The following PTPDC1 variants were observed in gnomAD, a reference collection of about 807,000 sequenced individuals.
The protein encoded by PTPDC1 is protein tyrosine phosphatase domain containing 1, also known as protein tyrosine phosphatase domain-containing protein 1.
PTPDC1 carries 53 observed loss-of-function variants against 75.3 expected under a neutral mutation model. That is an observed-to-expected ratio of 0.70 (90% CI 0.56 to 0.88). The LOEUF (loss-of-function observed/expected upper bound fraction) is 0.88, where lower values mean the gene tolerates loss of function less well. Among genes scored for constraint, PTPDC1 ranks in the 40% least tolerant of loss-of-function variants. The pLI is 0.00. For synonymous variants in PTPDC1, 349 were observed against 366.2 expected, an observed-to-expected ratio of 0.95 and a Z score of 0.54; for missense variants, 925 against 998.6, an observed-to-expected ratio of 0.93 and a Z score of 0.99.
Position 94,085,231 on chromosome 9 carries a change from C to T in PTPDC1, c.245-20C>T. ...TTTGGAGAGTGGAATTTTGAATTTT[C>T]CTTTCCTTATATGTTCTAGGAAATT... is the stretch of plus-strand genomic sequence containing the variant. On this transcript the variant is annotated intron_variant, in intron 1 of 8. Coordinates refer to ENST00000620992, the MANE Select transcript of PTPDC1 (RefSeq NM_001253829.2). 1 of 1,596,394 alleles carries T rather than the reference C, an allele frequency of 6.3e-7. No individual in the cohort carries two copies. The highest frequency in any genetic ancestry group is 8.6e-7 in the Non-Finnish European group (1 of 1,168,264).
At chr9:94,095,224 A>T in intron 4 of PTPDC1, 93 bp from the exon 5 acceptor site, 1 of 899,258 alleles carries the variant, frequency 1.1e-6, no homozygotes, top group Non-Finnish European at 1.7e-6. Flanking sequence ...TACATGCCTC[A>T]GTCTCAGTGT....
At chr9:94,056,919 ATATC>A (rs1427414373) in intron 1 of PTPDC1, among the ~76,000 whole-genome samples, 1 of 152,168 alleles carries the variant, frequency 6.6e-6, no homozygotes, top group African/African-American at 2.4e-5. Context: ...AGTGAGAAAA[ATATC>A]TGTCATTGAC....
intron 1 of PTPDC1, among the ~76,000 whole-genome samples, chr9:94,047,022 C>CA (rs1435791645): frequency 6.6e-6 from 1 of 152,178 alleles, no homozygotes; most frequent in African/African-American, 2.4e-5. Context: ...TATGTCCTAT[C>CA]AATACCTAAT....
At chr9:94,032,246 A>G (rs971624989) in intron 1 of PTPDC1, among the ~76,000 whole-genome samples, 2 of 152,204 alleles carry the variant, frequency 1.3e-5, no homozygotes, top group Non-Finnish European at 2.9e-5. Flanking sequence ...CTTTTTAAAA[A>G]TGCAAAATCT....
rs1297636515 is a variant in PTPDC1, at chr9:94,108,635, C to T, written c.*691C>T. 6.6e-6 allele frequency: 1 copy of T among 152,248 alleles called. No homozygotes were observed. The highest frequency in any genetic ancestry group is 1.5e-5 in the Non-Finnish European group (1 of 68,066). 9.4% of individuals were successfully genotyped at this position (152,248 alleles called of 1,614,324 possible). A position where few individuals can be genotyped will look rare whatever the true frequency, so the allele number is the denominator to read the frequency against. On this transcript the variant is annotated 3_prime_UTR_variant, in exon 9 of 9. Transcript: ENST00000620992. ...TGCTCTTTGTCAGATTTCCAAACAA[C>T]CTTGCCAGCCTTGGCTGTCAAAAGG...
intron 2 of PTPDC1, among the ~76,000 whole-genome samples, chr9:94,086,683 C>T (rs2117982047): frequency 6.6e-6 from 1 of 152,344 alleles, no homozygotes; most frequent in East Asian, 1.9e-4. Context: ...TCTGCCCACT[C>T]ATTCATTCAG....
Position 94,109,841 on chromosome 9 carries a change from A to G in PTPDC1, c.*1897A>G, listed in dbSNP as rs1308012942. On this transcript the variant is annotated 3_prime_UTR_variant, in exon 9 of 9. Coordinates refer to ENST00000620992, the MANE Select transcript of PTPDC1 (RefSeq NM_001253829.2). Reference sequence around the variant, plus strand: ...ATTGTATTTATTTGAATAAAAATAAAAAGAGCAACCCATAATCCTAGTCCT... The same window carrying G: ...ATTGTATTTATTTGAATAAAAATAAGAAGAGCAACCCATAATCCTAGTCCT... The G allele has an allele frequency of 6.6e-6, 1 of 152,264 alleles. No homozygotes were observed. The highest frequency in any genetic ancestry group is 1.5e-5 in the Non-Finnish European group (1 of 68,044). 9.4% of individuals were successfully genotyped at this position (152,264 alleles called of 1,614,324 possible).
chr9:94,034,400 T>C (rs1201600293), intron 1 of PTPDC1, among the ~76,000 whole-genome samples: 1 of 152,066 alleles, frequency 6.6e-6, no homozygotes, highest in Non-Finnish European at 1.5e-5. Context: ...AGTGTGGTAA[T>C]GCAGACCTGT....
At chr9:94,074,899 C>A (rs1387802787) in intron 2 of PTPDC1, among the ~76,000 whole-genome samples, 1 of 152,114 alleles carries the variant, frequency 6.6e-6, no homozygotes, top group Non-Finnish European at 1.5e-5. Flanking sequence ...TGTTTACAGG[C>A]CCCCACTTGC....
intron 1 of PTPDC1, among the ~76,000 whole-genome samples, chr9:94,058,705 C>CA (rs1450248048): frequency 1.3e-5 from 2 of 150,244 alleles, no homozygotes; most frequent in South Asian, 4.2e-4. Flanking sequence ...GACTCTGTCT[C>CA]AAAAAACAAA....
chr9:94,080,278 A>G (rs1159032058), upstream of PTPDC1, among the ~76,000 whole-genome samples: 1 of 152,158 alleles, frequency 6.6e-6, no homozygotes, highest in Non-Finnish European at 1.5e-5. Flanking sequence ...ATTAAAGATT[A>G]CTGTGCCCAG....
In PTPDC1 at chr9:94,097,668, C is replaced by G; in HGVS notation, c.1102C>G (p.Pro368Ala). Residue 368 changes from proline to alanine, a missense_variant, in exon 6 of 9, where the codon CCT becomes GCT. Transcript: ENST00000620992. ...GATGATGAAGGATGTGTCCGAAGGA[C>G]CTGGTCTCTCTGCTGAAATAGAAAA... is the stretch of plus-strand genomic sequence containing the variant. ...PVMMKDVSEGPGLSAEIEKTM... is the reference protein window; with the variant it reads ...PVMMKDVSEGAGLSAEIEKTM... 1 of 1,614,142 alleles carries G rather than the reference C, an allele frequency of 6.2e-7. No individual in the cohort carries two copies. Among genetic ancestry groups the G allele is most frequent in the Non-Finnish European group, 8.5e-7 (1 of 1,180,038 alleles).
intron 1 of PTPDC1, among the ~76,000 whole-genome samples, chr9:94,036,799 CA>C (rs1405871978): frequency 6.6e-6 from 1 of 152,174 alleles, no homozygotes; most frequent in South Asian, 2.1e-4. Context: ...ATAATTAATC[CA>C]GGGAACAGAG....
intron 1 of PTPDC1, among the ~76,000 whole-genome samples, chr9:94,061,369 G>A (rs1377293580): frequency 6.6e-6 from 1 of 152,216 alleles, no homozygotes; most frequent in East Asian, 1.9e-4. Context: ...CAGGGTGCAA[G>A]CTGCTGGAGA....
chr9:94,069,380 G>A (rs1341926906), intron 2 of PTPDC1, among the ~76,000 whole-genome samples: 5 of 152,108 alleles, frequency 3.3e-5, no homozygotes, highest in African/African-American at 7.2e-5. Context: ...TGCATATACT[G>A]TATTTTCAGT....
chr9:94,052,558 T>C (rs1825822235), intron 1 of PTPDC1, among the ~76,000 whole-genome samples: 1 of 152,230 alleles, frequency 6.6e-6, no homozygotes, highest in African/African-American at 2.4e-5. Flanking sequence ...AAGCCTCAAC[T>C]ATAAATATAA....
intron 6 of PTPDC1, 198 bp from the exon 7 acceptor site, chr9:94,101,368 G>A (rs573481257): frequency 1.4e-5 from 6 of 442,940 alleles, no homozygotes; most frequent in Non-Finnish European, 2.4e-5. Flanking sequence ...AGAAACTGGG[G>A]CTTACAGAAT....
rs143573993 is a variant in PTPDC1 at position 94,084,567 on chromosome 9, G to C, written c.37G>C (p.Val13Leu). The C allele has an allele frequency of 1.8e-5, 29 of 1,613,062 alleles. No homozygotes were observed. Among genetic ancestry groups the C allele is most frequent in the Non-Finnish European group, 2.3e-5 (27 of 1,180,006 alleles). Reference sequence around the variant, plus strand: ...GGATGCAACCAGGCGGCCCTCAGCCGTGCGCTTCCTCAGCTCCTTTCTCCA... The same window carrying C: ...GGATGCAACCAGGCGGCCCTCAGCCCTGCGCTTCCTCAGCTCCTTTCTCCA... ...VQDATRRPSA[V>L]RFLSSFLQGR... is the part of the protein sequence containing the mutation. Residue 13 changes from valine (V) to leucine (L), a missense_variant, in exon 1 of 9, where the codon GTG (valine) becomes CTG (leucine). By Grantham distance (32) the Val-to-Leu change is conservative. Coordinates refer to ENST00000620992, the MANE Select transcript of PTPDC1 (RefSeq NM_001253829.2).
intron 1 of PTPDC1, among the ~76,000 whole-genome samples, chr9:94,031,796 A>C (rs2118363871): frequency 6.6e-6 from 1 of 152,322 alleles, no homozygotes; most frequent in South Asian, 2.1e-4. Flanking sequence ...GAGGGGGAAA[A>C]TCAAGAAAAG....
Sources: allele counts gnomAD v4.1 joint callset (sites outside exome capture counted in the v4.1 genomes callset), GRCh38; gene constraint gnomAD v4.1.1; transcripts MANE v1.5; gene names NCBI Gene and HGNC (gene_info 2026-07-23, HGNC 2026-07-21).